The following TMEM232 variants were observed in gnomAD, a reference collection of about 807,000 sequenced individuals.
TMEM232 encodes transmembrane protein 232.
Under a neutral mutation model 78.8 loss-of-function variants are expected in TMEM232, and 80 were observed. The observed-to-expected ratio is 1.01, with a 90% CI of 0.85 to 1.22. TMEM232 has a LOEUF of 1.22. Ranked by LOEUF, TMEM232 falls within the 50% of genes most tolerant of loss-of-function variation. The pLI is 0.00. For missense variants in TMEM232, 881 were observed against 742.2 expected (o/e 1.19, Z -2.17); for synonymous variants, 297 against 254.3 (o/e 1.17, Z -1.60).
chr5:110,695,896 C>T (rs1223523058), intron 1 of TMEM232, among the ~76,000 whole-genome samples: 1 of 152,160 alleles, frequency 6.6e-6, no homozygotes, highest in African/African-American at 2.4e-5. Context: ...GGTACCATTC[C>T]TTCTGAAACT....
chr5:110,463,896 T>G (rs114791867), intron 12 of TMEM232, among the ~76,000 whole-genome samples: 2,211 of 152,328 alleles, frequency 0.015, 30 homozygotes, highest in African/African-American at 0.015. Context: ...TGGCCTTATT[T>G]CTACCCCTTA....
chr5:110,635,574 C>T (rs561590182), intron 5 of TMEM232, among the ~76,000 whole-genome samples: 5 of 151,934 alleles, frequency 3.3e-5, no homozygotes, highest in African/African-American at 4.8e-5. Flanking sequence ...GAATGAAGAA[C>T]AAAAACCGTA....
chr5:110,439,598 C>T (rs2112744686), intron 12 of TMEM232, among the ~76,000 whole-genome samples: 1 of 152,184 alleles, frequency 6.6e-6, no homozygotes, highest in South Asian at 2.1e-4. Context: ...CTCGCTTTTC[C>T]TTGCCAGCCT....
intron 4 of TMEM232, among the ~76,000 whole-genome samples, chr5:110,389,652 C>T (rs892097281): frequency 1.4e-4 from 21 of 152,290 alleles, no homozygotes; most frequent in African/African-American, 4.6e-4. Flanking sequence ...ATTGCACGAC[C>T]TTGCATTAGA....
chr5:110,516,317 C>T (rs917765448), intron 12 of TMEM232, among the ~76,000 whole-genome samples: 4 of 152,142 alleles, frequency 2.6e-5, no homozygotes, highest in African/African-American at 9.7e-5. Flanking sequence ...AGTCTTTATA[C>T]ATATGCAAAT....
chr5:110,685,686 G>GCA (rs1793310051), intron 1 of TMEM232, among the ~76,000 whole-genome samples: 1 of 152,074 alleles, frequency 6.6e-6, no homozygotes, highest in Non-Finnish European at 1.5e-5. Flanking sequence ...AAAAAGACTT[G>GCA]TACAAGAATG....
intron 11 of TMEM232, 77 bp downstream of exon 11, chr5:110,568,370 T>G (rs1776568087): frequency 1.5e-6 from 2 of 1,323,520 alleles, no homozygotes; most frequent in African/African-American, 3.0e-5. Flanking sequence ...TAGACATTCC[T>G]TTTACCATGG....
chr5:110,481,537 T>C (rs890808871), intron 12 of TMEM232, among the ~76,000 whole-genome samples: 5 of 151,996 alleles, frequency 3.3e-5, no homozygotes, highest in Non-Finnish European at 7.4e-5. Context: ...CACACACACA[T>C]AAACCACAAA....
upstream of TMEM232, among the ~76,000 whole-genome samples, chr5:110,728,853 T>TC (rs1219164955): frequency 8.0e-4 from 1 of 1,248 alleles, no homozygotes; most frequent in Non-Finnish European, 0.016. Flanking sequence ...TTTTTTCTGC[T>TC]TTTTTTTTTT....
At chr5:110,584,834 A>G (rs1778623849) in intron 10 of TMEM232, among the ~76,000 whole-genome samples, 2 of 152,256 alleles carry the variant, frequency 1.3e-5, no homozygotes, top group South Asian at 2.1e-4. Context: ...TAATGAATAT[A>G]TATCACCATA....
chr5:110,417,646 G>A (rs1375536137), downstream of TMEM232: 1 of 117,858 alleles, frequency 8.5e-6, no homozygotes, highest in Non-Finnish European at 1.6e-5. Flanking sequence ...TTTGTCCGGG[G>A]TAAAATAAAT....
chr5:110,481,897 G>A (rs1763905980), intron 12 of TMEM232, among the ~76,000 whole-genome samples: 1 of 152,040 alleles, frequency 6.6e-6, no homozygotes, highest in Non-Finnish European at 1.5e-5. Context: ...ATAAGAATAG[G>A]CTCTCAAAAA....
At chr5:110,579,979 C>T (rs1013423895) in intron 10 of TMEM232, among the ~76,000 whole-genome samples, 4 of 151,334 alleles carry the variant, frequency 2.6e-5, no homozygotes, top group African/African-American at 9.7e-5. Context: ...AGACATTCTA[C>T]GCAAATGATA....
chr5:110,702,080 C>A (rs1795489970), intron 1 of TMEM232, among the ~76,000 whole-genome samples: 1 of 151,992 alleles, frequency 6.6e-6, no homozygotes, highest in Admixed American at 6.6e-5. Flanking sequence ...ATTTTACTCT[C>A]ATGGTACAGC....
chr5:110,649,551 A>G (rs1453908448), intron 2 of TMEM232, among the ~76,000 whole-genome samples: 1 of 152,136 alleles, frequency 6.6e-6, no homozygotes, highest in African/African-American at 2.4e-5. Flanking sequence ...TTCATATTCT[A>G]GTAAAGCATA....
chr5:110,399,139 A>G (rs113512702), intron 2 of TMEM232, among the ~76,000 whole-genome samples: 285 of 152,280 alleles, frequency 1.9e-3, no homozygotes, highest in African/African-American at 6.4e-3. Context: ...ACTAGAAAAA[A>G]AAAAGCTTAC....
intron 6 of TMEM232, among the ~76,000 whole-genome samples, chr5:110,625,980 A>G (rs1252605705): frequency 2.0e-5 from 3 of 151,998 alleles, no homozygotes; most frequent in Non-Finnish European, 2.9e-5. Context: ...ATAAACTTTT[A>G]GACAAACTTT....
chr5:110,715,433 C>T (rs182879497), intron 1 of TMEM232, among the ~76,000 whole-genome samples: 9 of 152,232 alleles, frequency 5.9e-5, no homozygotes, highest in African/African-American at 2.2e-4. Context: ...TTGTGGCTCA[C>T]TAAACAAGAC....
intron 12 of TMEM232, among the ~76,000 whole-genome samples, chr5:110,454,250 G>A (rs1300446343): frequency 6.6e-6 from 1 of 152,012 alleles, no homozygotes; most frequent in African/African-American, 2.4e-5. Flanking sequence ...ACAATTTTCT[G>A]GCCATAAATC....
Sources: allele counts gnomAD v4.1 joint callset (sites outside exome capture counted in the v4.1 genomes callset), GRCh38; gene constraint gnomAD v4.1.1; transcripts MANE v1.5; gene names NCBI Gene and HGNC (gene_info 2026-07-23, HGNC 2026-07-21).